Variants in C3orf52 observed in about 807,000 individuals in gnomAD.
The protein encoded by C3orf52 is chromosome 3 open reading frame 52, also known as TPA-induced transmembrane protein.
A neutral mutation model predicts 24.8 loss-of-function variants in C3orf52; 22 were observed. The observed-to-expected ratio is 0.89, with a 90% CI of 0.63 to 1.27. C3orf52 has a LOEUF of 1.27. Among genes scored for constraint, C3orf52 ranks in the 50% most tolerant of loss-of-function variants. The pLI is 0.00. For synonymous variants in C3orf52, 93 were observed against 100.2 expected (o/e 0.93, Z 0.43); for missense variants, 265 against 260.7 (o/e 1.02, Z -0.11).
At position 112,086,429 on chromosome 3, in the gene C3orf52, C is replaced by G; in HGVS notation, c.22C>G (p.Gln8Glu). Residue 8 changes from glutamine (Q) to glutamate (E), a missense_variant, in exon 1 of 6, where the codon CAG becomes GAG. Gln to Glu is a conservative substitution (Grantham distance 29). Transcript: ENST00000264848. MDLAQPS[Q>E]PVDELELSVL... ...GCACATGGACCTGGCCCAACCCTCACAGCCAGTAGACGAGCTGGAGCTCTC... is the reference window on the plus strand; with the variant it reads ...GCACATGGACCTGGCCCAACCCTCAGAGCCAGTAGACGAGCTGGAGCTCTC... The G allele has an allele frequency of 6.4e-7, 1 of 1,550,792 alleles. No homozygotes were observed. The highest frequency in any genetic ancestry group is 8.7e-7 in the Non-Finnish European group (1 of 1,146,506).
chr3:112,115,142 C>T (rs1045498623), intron 5 of C3orf52, among the ~76,000 whole-genome samples: 2 of 152,174 alleles, frequency 1.3e-5, no homozygotes, highest in Non-Finnish European at 2.9e-5. Flanking sequence ...TTCTGTGACC[C>T]CATGTCCCAC....
At chr3:112,115,840 A>G (rs929918560) in intron 5 of C3orf52, among the ~76,000 whole-genome samples, 2 of 152,194 alleles carry the variant, frequency 1.3e-5, no homozygotes, top group Non-Finnish European at 2.9e-5. Flanking sequence ...TTATAAAAAT[A>G]AAAACTTAAA....
intron 2 of C3orf52, among the ~76,000 whole-genome samples, chr3:112,095,927 A>G (rs954829054): frequency 6.6e-6 from 1 of 152,154 alleles, no homozygotes; most frequent in East Asian, 1.9e-4. Flanking sequence ...TGCCAAGCCC[A>G]TTAATATGAA....
intron 3 of C3orf52, among the ~76,000 whole-genome samples, chr3:112,105,133 G>A (rs6793177): frequency 0.061 from 9,348 of 152,242 alleles, 394 homozygotes; most frequent in African/African-American, 0.12. Context: ...CAAAAGAACA[G>A]GGACTGACAT....
chr3:112,091,860 C>T (rs1020492063), intron 1 of C3orf52, among the ~76,000 whole-genome samples: 7 of 151,966 alleles, frequency 4.6e-5, no homozygotes, highest in Admixed American at 1.3e-4. Context: ...AAAAATTAGC[C>T]GGGCGTGGTG....
At chr3:112,131,553 C>A (rs746182659), downstream of C3orf52, among the ~76,000 whole-genome samples, 56 of 152,244 alleles carry the variant, frequency 3.7e-4, no homozygotes, top group African/African-American at 9.6e-4. Flanking sequence ...CCTCAAACTC[C>A]TGGGCTCAAG....
At chr3:112,104,789 C>G (rs909943261) in intron 3 of C3orf52, among the ~76,000 whole-genome samples, 1 of 152,090 alleles carries the variant, frequency 6.6e-6, no homozygotes, top group African/African-American at 2.4e-5. Flanking sequence ...TCCCTCACCC[C>G]CACCACCTTT....
At chr3:112,093,036 C>T (rs111483578) in intron 1 of C3orf52, among the ~76,000 whole-genome samples, 17 of 152,274 alleles carry the variant, frequency 1.1e-4, no homozygotes, top group African/African-American at 3.1e-4. Context: ...ACATTCCAGT[C>T]GGCAGGCTAG....
intron 2 of C3orf52, among the ~76,000 whole-genome samples, chr3:112,093,976 T>G (rs1357482943): frequency 6.6e-6 from 1 of 151,952 alleles, no homozygotes; most frequent in Non-Finnish European, 1.5e-5. Flanking sequence ...TAAGCTGTCA[T>G]TATTTTAACT....
intron 3 of C3orf52, among the ~76,000 whole-genome samples, chr3:112,105,877 T>C (rs2107784391): frequency 6.6e-6 from 1 of 151,620 alleles, no homozygotes; most frequent in East Asian, 1.9e-4. Context: ...GGTTGTCACT[T>C]GTGCTTCTGA....
chr3:112,088,889 G>T (rs1441529215), intron 1 of C3orf52, among the ~76,000 whole-genome samples: 1 of 152,200 alleles, frequency 6.6e-6, no homozygotes, highest in Non-Finnish European at 1.5e-5. Context: ...GTTCTGGAAT[G>T]ATTGGGAAGA....
At chr3:112,090,414 A>G (rs1479004813) in intron 1 of C3orf52, among the ~76,000 whole-genome samples, 1 of 147,762 alleles carries the variant, frequency 6.8e-6, no homozygotes, top group Non-Finnish European at 1.5e-5. Context: ...CCCACCTCAG[A>G]CTCCTCAGTA....
chr3:112,128,344 T>C, exon 5 of C3orf52: 1 of 586,934 alleles, frequency 1.7e-6, no homozygotes, highest in Non-Finnish European at 3.1e-6. Context: ...TTGGTTCCCT[T>C]GTAATGAAGA....
chr3:112,120,294 C>A (rs2074175285), downstream of C3orf52, among the ~76,000 whole-genome samples: 1 of 152,158 alleles, frequency 6.6e-6, no homozygotes, highest in Non-Finnish European at 1.5e-5. Context: ...CTTGTGGAAT[C>A]CTGGAGACTT....
chr3:112,098,231 T>C (rs2073941746), intron 2 of C3orf52, among the ~76,000 whole-genome samples: 1 of 152,236 alleles, frequency 6.6e-6, no homozygotes, highest in Non-Finnish European at 1.5e-5. Flanking sequence ...AATTGTCTGA[T>C]CGTGGAAGCC....
At chr3:112,127,677 C>T (rs1226411698) in intron 4 of C3orf52, among the ~76,000 whole-genome samples, 13 of 152,094 alleles carry the variant, frequency 8.5e-5, no homozygotes, top group South Asian at 4.1e-4. Flanking sequence ...ACTATCACCC[C>T]GACTATAAGT....
downstream of C3orf52, chr3:112,119,347 C>G (rs2074167526): frequency 4.6e-6 from 3 of 648,756 alleles, no homozygotes; most frequent in South Asian, 5.0e-5. Context: ...TGCACTCCAG[C>G]CTGGGTGACA....
intron 3 of C3orf52, among the ~76,000 whole-genome samples, chr3:112,104,074 G>A (rs2074002946): frequency 6.6e-6 from 1 of 152,164 alleles, no homozygotes; most frequent in Admixed American, 6.5e-5. Context: ...GGAAAATAAG[G>A]AAGATTTGCG....
At chr3:112,133,054 C>T, downstream of C3orf52, 3 of 1,602,116 alleles carry the variant, frequency 1.9e-6, no homozygotes, top group South Asian at 1.1e-5. Flanking sequence ...TTGTCCTGTC[C>T]CATCTCCTCT....
Sources: allele counts gnomAD v4.1 joint callset (sites outside exome capture counted in the v4.1 genomes callset), GRCh38; gene constraint gnomAD v4.1.1; transcripts MANE v1.5; gene names NCBI Gene and HGNC (gene_info 2026-07-23, HGNC 2026-07-21).